Variants in DNAH12 observed in about 807,000 individuals in gnomAD.
The protein encoded by DNAH12 is dynein axonemal heavy chain 12, also known as axonemal beta dynein heavy chain 12.
Under a neutral mutation model 371.5 loss-of-function variants are expected in DNAH12, and 285 were observed. The observed-to-expected ratio is 0.77, with a 90% CI of 0.70 to 0.85. The LOEUF (loss-of-function observed/expected upper bound fraction) is 0.85. DNAH12 is among the 40% of genes least tolerant of loss of function. DNAH12 has a pLI of 0.00. For missense variants in DNAH12, 3,611 were observed against 3,689.4 expected, an observed-to-expected ratio of 0.98 and a Z score of 0.55; for synonymous variants, 1,200 against 1,213.0, an observed-to-expected ratio of 0.99 and a Z score of 0.22.
At chr3:57,421,449 C>G in intron 36 of DNAH12, 69 bp downstream of exon 36, 1 of 1,478,366 alleles carries the variant, frequency 6.8e-7, no homozygotes, top group Non-Finnish European at 9.2e-7. Flanking sequence ...GGATGAAAAC[C>G]CAGGAGCTTT....
chr3:57,420,357 C>G (rs1428562672), intron 36 of DNAH12, among the ~76,000 whole-genome samples: 1 of 152,136 alleles, frequency 6.6e-6, no homozygotes, highest in Non-Finnish European at 1.5e-5. Context: ...TATTTTCCAG[C>G]AAATTGTACA....
intron 55 of DNAH12, among the ~76,000 whole-genome samples, chr3:57,369,228 A>AAAATAT (rs1296017727): frequency 7.6e-6 from 1 of 131,714 alleles, no homozygotes; most frequent in South Asian, 2.3e-4. Context: ...TTAAAAAAAA[A>AAAATAT]ATATATATAT....
At chr3:57,338,689 C>T (rs1426327116) in intron 60 of DNAH12, among the ~76,000 whole-genome samples, 2 of 146,696 alleles carry the variant, frequency 1.4e-5, no homozygotes, top group South Asian at 2.2e-4. Context: ...AAGTGAGGAG[C>T]GCCTCTGCCC....
At chr3:57,509,717 C>T (rs1230835422) in intron 5 of DNAH12, among the ~76,000 whole-genome samples, 1 of 151,822 alleles carries the variant, frequency 6.6e-6, no homozygotes, top group Non-Finnish European at 1.5e-5. Flanking sequence ...CAAAAATTAG[C>T]TGGGCATGGT....
chr3:57,315,366 G>A, intron 65 of DNAH12, among the ~76,000 whole-genome samples: 1 of 151,014 alleles, frequency 6.6e-6, no homozygotes, highest in African/African-American at 2.4e-5. Flanking sequence ...GCTTTACTGA[G>A]TAGATACGTT....
At chr3:57,443,077 A>T (rs970171890) in intron 29 of DNAH12, among the ~76,000 whole-genome samples, 1 of 152,092 alleles carries the variant, frequency 6.6e-6, no homozygotes, top group South Asian at 2.1e-4. Context: ...CGTTAAATTG[A>T]ATTTGAGATT....
rs759056603 is a variant in DNAH12 at position 57,510,919 on chromosome 3, C to A, written c.340G>T (p.Glu114Ter). 15 of 1,613,784 alleles carry A rather than the reference C, an allele frequency of 9.3e-6. No individual in the cohort carries two copies. Among genetic ancestry groups the A allele is most frequent in the African/African-American group, 1.3e-5 (1 of 74,876 alleles). Residue 114 changes from glutamate to a stop codon, truncating the protein, a stop_gained, in exon 5 of 74, where the codon GAA becomes TAA. Transcript: ENST00000495027. LOFTEE classifies it high-confidence loss of function. ...ESSPLVPIQQEWLDHMLRLIP... is the reference protein window; with the variant it reads ...ESSPLVPIQQ ...AGCCTTAACATGTGATCCAGCCATT[C>A]CTGCTGAATAGGTACTAAAGGACTA...
At chr3:57,295,653 A>T (rs997533073) in intron 72 of DNAH12, 61 bp from the exon 73 acceptor site, 11 of 1,402,804 alleles carry the variant, frequency 7.8e-6, no homozygotes, top group African/African-American at 4.3e-5. Flanking sequence ...CTGAGAACAG[A>T]TTGCTACTTA....
Position 57,470,512 on chromosome 3 carries a change from A to C in DNAH12, c.2036T>G (p.Leu679Ter). ...ELTKYPELDK[L>*]KVNIEPYQKF... Reference sequence around the variant, plus strand: ...CTGATAGGGCTCAATGTTAACTTTTAATTTATCCAGTTCAGGATATTTTGT... The same window carrying C: ...CTGATAGGGCTCAATGTTAACTTTTCATTTATCCAGTTCAGGATATTTTGT... Residue 679 changes from leucine to a stop codon, truncating the protein, a stop_gained, in exon 16 of 74, where the codon TTA (leucine) becomes TGA (stop). Transcript: ENST00000495027. LOFTEE classifies it high-confidence loss of function. The C allele has an allele frequency of 6.5e-7, 1 of 1,549,444 alleles. No homozygotes were observed. Among genetic ancestry groups the C allele is most frequent in the Non-Finnish European group, 8.7e-7 (1 of 1,146,466 alleles).
chr3:57,447,849 A>G (rs1367696797), intron 25 of DNAH12, among the ~76,000 whole-genome samples: 1 of 151,872 alleles, frequency 6.6e-6, no homozygotes, highest in African/African-American at 2.4e-5. Context: ...TATTTTTTGT[A>G]TTTTTAGTAG....
chr3:57,459,812 A>C lies in DNAH12; in HGVS notation c.2737-26T>G, dbSNP rs372927213. On this transcript the variant is annotated intron_variant, in intron 19 of 73. Transcript: ENST00000495027. ...CTTAATGAAAAGTATACTGCACTAA[A>C]TTCTAGTTATTAAAGAAAGGCTATA... The C allele has an allele frequency of 1.2e-4, 154 of 1,325,872 alleles. 3 individuals carry two copies. In the East Asian group the frequency reaches 2.5e-3, roughly 21 times the overall value. The allele number at this position is 1,325,872 out of a possible 1,614,324, so 82.1% of individuals were successfully genotyped here.
chr3:57,450,168 A>T (rs2065712146), intron 25 of DNAH12, among the ~76,000 whole-genome samples: 1 of 149,666 alleles, frequency 6.7e-6, no homozygotes, highest in African/African-American at 2.5e-5. Flanking sequence ...GAATCACTTG[A>T]ACCTGGGAGG....
At chr3:57,494,430 C>T (rs973089286) in intron 11 of DNAH12, among the ~76,000 whole-genome samples, 1 of 151,834 alleles carries the variant, frequency 6.6e-6, no homozygotes, top group African/African-American at 2.4e-5. Flanking sequence ...GGCATGGTGG[C>T]CTGTGCCTGT....
At chr3:57,402,360 A>G in intron 43 of DNAH12, 2 of 1,298,794 alleles carry the variant, frequency 1.5e-6, no homozygotes, top group Non-Finnish European at 2.0e-6. Context: ...ACAGACCCCT[A>G]GGCATATAAG....
At chr3:57,383,436 C>T (rs1217671385) in intron 49 of DNAH12, among the ~76,000 whole-genome samples, 2 of 151,994 alleles carry the variant, frequency 1.3e-5, no homozygotes, top group African/African-American at 4.8e-5. Flanking sequence ...GCTGCAGATT[C>T]ATGGAACATA....
chr3:57,459,102 T>C lies in DNAH12; in HGVS notation c.2931+490A>G, dbSNP rs190638251. On this transcript the variant is annotated intron_variant, in intron 20 of 73. Transcript: ENST00000495027. ...ATGTTCACTGTGTGTATGAAAAATA[T>C]ATAGTCTGTCTTTCAACATTTACTG... 1.2e-4 allele frequency among the ~76,000 whole-genome samples: 18 copies of C among 152,312 alleles called. No homozygotes were observed. In the South Asian group the frequency reaches 2.3e-3, roughly 19 times the overall value.
chr3:57,490,456 T>C lies in DNAH12; in HGVS notation c.1336-769A>G, dbSNP rs185784268. Among the ~76,000 whole-genome samples the C allele has an allele frequency of 1.0e-3, 152 of 152,322 alleles. 2 individuals are homozygous for C. Among genetic ancestry groups the C allele is most frequent in the South Asian group, 2.1e-3 (10 of 4,828 alleles). ...GGTAATTTTTTAAAATTAAACAAAG[T>C]AGTATCAAGAAAATCTGACAGGATA... On this transcript the variant is annotated intron_variant, in intron 11 of 73. Transcript: ENST00000495027.
chr3:57,314,335 A>T (rs1359692438), intron 66 of DNAH12, among the ~76,000 whole-genome samples, 159 bp downstream of exon 66: 2 of 152,172 alleles, frequency 1.3e-5, no homozygotes, highest in Non-Finnish European at 2.9e-5. Context: ...TTGCAGCACA[A>T]AGAATCCAGA....
intron 58 of DNAH12, 44 bp downstream of exon 58, chr3:57,363,550 A>G (rs2153330395): frequency 6.6e-6 from 1 of 152,224 alleles, no homozygotes; most frequent in Non-Finnish European, 1.5e-5. Context: ...TTTCTTAATA[A>G]TCTTAAGATT....
Sources: gnomAD v4.1 joint callset for allele counts (sites outside exome capture counted in the v4.1 genomes callset) on GRCh38, gnomAD v4.1.1 for gene constraint, MANE v1.5 for transcripts, NCBI Gene and HGNC (gene_info 2026-07-23, HGNC 2026-07-21) for gene names.